MAML2: variants seen among roughly 807,000 people sequenced by gnomAD.
MAML2 encodes mastermind like transcriptional coactivator 2, also known as mastermind-like protein 2.
A neutral mutation model predicts 96.1 loss-of-function variants in MAML2; 22 were observed. The ratio of observed to expected loss-of-function variants is 0.23; its 90% CI spans 0.16 to 0.33. The LOEUF (loss-of-function observed/expected upper bound fraction) is 0.33. Ranked by LOEUF, MAML2 falls within the 10% of genes least tolerant of loss-of-function variation. MAML2 has a pLI of 1.00. For synonymous variants in MAML2, 561 were observed against 521.3 expected (o/e 1.08, Z -1.04); for missense variants, 1,367 against 1,392.4 (o/e 0.98, Z 0.29).
At chr11:96,174,496 G>A (rs1262727270) in intron 1 of MAML2, among the ~76,000 whole-genome samples, 1 of 152,208 alleles carries the variant, frequency 6.6e-6, no homozygotes, top group Non-Finnish European at 1.5e-5. Context: ...CAATTCTCCT[G>A]CCTCAGCCTC....
At position 96,092,734 on chromosome 11, in the gene MAML2, C is replaced by T; in HGVS notation, c.1297G>A (p.Ala433Thr). 2 of 1,613,964 alleles carry T rather than the reference C, an allele frequency of 1.2e-6. No individual in the cohort carries two copies. Among genetic ancestry groups the T allele is most frequent in the Non-Finnish European group, 1.7e-6 (2 of 1,179,894 alleles). The change falls in exon 2 of 5, where the codon GCC (alanine) becomes ACC (threonine). Residue 433 changes from alanine to threonine, a missense_variant. Transcript: ENST00000524717. This position sits in a 1 kb window ranked among gnomAD's most constrained non-coding sequence, Gnocchi z 4.1. ...ALPSWQEVSH[A>T]QQLKQIAANR... ...GCAGCTATCTGTTTGAGCTGCTGGG[C>T]ATGGGATACTTCCTGCCAGCTTGGC...
intron 1 of MAML2, among the ~76,000 whole-genome samples, chr11:96,174,858 AT>A (rs918455940): frequency 1.3e-5 from 2 of 152,180 alleles, no homozygotes; most frequent in African/African-American, 4.8e-5. Flanking sequence ...TCTTGCCACT[AT>A]TTCCCTCTGA....
chr11:96,117,576 A>G (rs1050122117), intron 1 of MAML2, among the ~76,000 whole-genome samples: 1 of 152,200 alleles, frequency 6.6e-6, no homozygotes, highest in African/African-American at 2.4e-5. Flanking sequence ...CTGGGATTAC[A>G]GACATGAGCC....
rs1044256253 is a variant in MAML2 at position 95,977,146 on chromosome 11, T to C, written c.*1802A>G. On this transcript the variant is annotated 3_prime_UTR_variant, in exon 5 of 5. Transcript: ENST00000524717. ...GAGCTAAAAATAAACCATCATATTATACAAAACTTTGCATATTAGCATACA... is the reference window on the plus strand; with the variant it reads ...GAGCTAAAAATAAACCATCATATTACACAAAACTTTGCATATTAGCATACA... 2 of 192,076 alleles carry C rather than the reference T, an allele frequency of 1.0e-5. No homozygotes were observed. Among genetic ancestry groups the C allele is most frequent in the Non-Finnish European group, 2.2e-5 (2 of 91,902 alleles). The allele number at this position is 192,076 out of a possible 1,614,324, so 11.9% of individuals were successfully genotyped here. A position where few individuals can be genotyped will look rare whatever the true frequency, so the allele number is the denominator to read the frequency against.
At chr11:96,117,514 G>T (rs1252597893) in intron 1 of MAML2, among the ~76,000 whole-genome samples, 1 of 151,794 alleles carries the variant, frequency 6.6e-6, no homozygotes, top group African/African-American at 2.4e-5. Flanking sequence ...TGCCCAAGCT[G>T]ATCTCAAACT....
At chr11:96,278,820 A>C (rs567346057) in intron 1 of MAML2, among the ~76,000 whole-genome samples, 4 of 152,204 alleles carry the variant, frequency 2.6e-5, no homozygotes, top group Non-Finnish European at 4.4e-5. Flanking sequence ...CATTTTACAA[A>C]GATCACACTG....
intron 1 of MAML2, among the ~76,000 whole-genome samples, chr11:96,156,732 A>G (rs1292465109): frequency 6.6e-6 from 1 of 152,246 alleles, no homozygotes; most frequent in East Asian, 1.9e-4. Context: ...TGGTTCATCC[A>G]GAAGTACTAA....
intron 3 of MAML2, among the ~76,000 whole-genome samples, chr11:95,986,005 C>T (rs1857819238): frequency 2.0e-5 from 3 of 152,142 alleles, no homozygotes; most frequent in African/African-American, 7.2e-5. Flanking sequence ...CACTGTGCAA[C>T]CTCCAAAACA....
intron 1 of MAML2, among the ~76,000 whole-genome samples, chr11:96,140,638 A>T (rs1021402567): frequency 2.6e-5 from 4 of 152,228 alleles, no homozygotes; most frequent in African/African-American, 9.6e-5. Flanking sequence ...CAGAGGTAGC[A>T]GTGTTGCCCC....
At chr11:95,988,213 T>C (rs1857859014) in intron 3 of MAML2, among the ~76,000 whole-genome samples, 2 of 151,930 alleles carry the variant, frequency 1.3e-5, no homozygotes, top group Non-Finnish European at 2.9e-5. Context: ...TCATAGACTA[T>C]ATTGTAAACC....
intron 2 of MAML2, among the ~76,000 whole-genome samples, chr11:96,048,845 TTTGCTTGCCAA>T (rs1221198243): frequency 1.3e-5 from 2 of 152,236 alleles, no homozygotes; most frequent in Non-Finnish European, 2.9e-5. Context: ...AATTTAGAAT[TTTGCTTGCCAA>T]TTGCAAATTC....
chr11:96,248,536 C>T (rs558436591), intron 1 of MAML2, among the ~76,000 whole-genome samples: 50 of 152,044 alleles, frequency 3.3e-4, no homozygotes, highest in African/African-American at 1.2e-3. Context: ...ATGAAACTAC[C>T]CTCTCCCTAT....
At chr11:96,114,513 G>T (rs1205913836) in intron 1 of MAML2, among the ~76,000 whole-genome samples, 1 of 152,078 alleles carries the variant, frequency 6.6e-6, no homozygotes, top group Non-Finnish European at 1.5e-5. Flanking sequence ...ACAGCCTCTG[G>T]CTTCTGTAGC....
intron 2 of MAML2, among the ~76,000 whole-genome samples, chr11:96,042,903 C>A (rs901514531): frequency 3.3e-5 from 5 of 152,062 alleles, no homozygotes; most frequent in Non-Finnish European, 7.4e-5. Context: ...TACCACCACA[C>A]CCGGCTAATT....
intron 1 of MAML2, among the ~76,000 whole-genome samples, chr11:96,129,956 G>A (rs1231537551): frequency 6.6e-6 from 1 of 152,164 alleles, no homozygotes; most frequent in Non-Finnish European, 1.5e-5. Flanking sequence ...AGAACTACTA[G>A]GTATAATGGA....
At chr11:96,022,357 A>G (rs996691631) in intron 2 of MAML2, among the ~76,000 whole-genome samples, 2 of 152,176 alleles carry the variant, frequency 1.3e-5, no homozygotes, top group African/African-American at 4.8e-5. Context: ...GCCCTGAATC[A>G]TGCAGTTAAA....
intron 1 of MAML2, among the ~76,000 whole-genome samples, chr11:96,178,251 C>T (rs1003566483): frequency 3.3e-5 from 5 of 151,900 alleles, no homozygotes; most frequent in Non-Finnish European, 5.9e-5. Context: ...ATGTGGGCCT[C>T]GACTCTGTGA....
At chr11:96,057,052 G>A (rs958932554) in intron 2 of MAML2, among the ~76,000 whole-genome samples, 5 of 152,248 alleles carry the variant, frequency 3.3e-5, no homozygotes, top group South Asian at 4.2e-4. Context: ...AATGCAGCCC[G>A]AGAAGTATAA....
chr11:96,015,424 A>G (rs1858330304), intron 2 of MAML2, among the ~76,000 whole-genome samples: 1 of 152,158 alleles, frequency 6.6e-6, no homozygotes, highest in African/African-American at 2.4e-5. Flanking sequence ...ATGTGTAAAA[A>G]GTATTTTGTA....
Sources: allele counts gnomAD v4.1 joint callset (sites outside exome capture counted in the v4.1 genomes callset), GRCh38; gene constraint gnomAD v4.1.1; non-coding constraint Gnocchi (gnomAD v3.1); transcripts MANE v1.5; gene names NCBI Gene and HGNC (gene_info 2026-07-23, HGNC 2026-07-21).